The following TRAPPC8 variants were observed in gnomAD, a reference collection of about 807,000 sequenced individuals.
The protein encoded by TRAPPC8 is general sporulation gene 1 homolog.
Under a neutral mutation model 174.3 loss-of-function variants are expected in TRAPPC8, and 54 were observed. The observed-to-expected ratio is 0.31, with a 90% confidence interval of 0.25 to 0.39. TRAPPC8 has a LOEUF of 0.39. TRAPPC8 is among the 10% of genes least tolerant of loss of function. The probability of loss-of-function intolerance (pLI) is 1.00; values close to 1 mark genes in which losing one functional copy is unlikely to be tolerated. For missense variants in TRAPPC8, 1,531 were observed against 1,699.1 expected, an observed-to-expected ratio of 0.90 and a Z score of 1.74; for synonymous variants, 630 against 579.9, an observed-to-expected ratio of 1.09 and a Z score of -1.24.
At chr18:31,880,864 C>T (rs2035415556) in intron 12 of TRAPPC8, among the ~76,000 whole-genome samples, 1 of 151,956 alleles carries the variant, frequency 6.6e-6, no homozygotes, top group Non-Finnish European at 1.5e-5. Context: ...TCATAAAACT[C>T]AGGATGAGAA....
At chr18:31,860,268 G>A (rs2034258991) in intron 19 of TRAPPC8, among the ~76,000 whole-genome samples, 1 of 151,996 alleles carries the variant, frequency 6.6e-6, no homozygotes, top group East Asian at 1.9e-4. Context: ...CTAGTTGAAT[G>A]ATACATATAT....
intron 22 of TRAPPC8, 133 bp from the exon 23 acceptor site, chr18:31,852,796 C>A (rs1381907881): frequency 3.9e-6 from 3 of 775,932 alleles, no homozygotes; most frequent in African/African-American, 1.8e-5. Flanking sequence ...TGAAGAACAT[C>A]TTTGTTTTTA....
At chr18:31,927,229 T>C (rs2037654495) in intron 2 of TRAPPC8, among the ~76,000 whole-genome samples, 1 of 152,118 alleles carries the variant, frequency 6.6e-6, no homozygotes, top group African/African-American at 2.4e-5. Flanking sequence ...CACCTCAGCC[T>C]CCTGAGTAGC....
intron 12 of TRAPPC8, among the ~76,000 whole-genome samples, chr18:31,886,345 GAA>G (rs397858057): frequency 4.5e-3 from 108 of 23,738 alleles, no homozygotes; most frequent in African/African-American, 6.2e-3. Context: ...GTTTCTTGAG[GAA>G]AAAAAAAAAA....
At chr18:31,880,099 AT>A (rs58661461) in intron 12 of TRAPPC8, among the ~76,000 whole-genome samples, 7 of 79,820 alleles carry the variant, frequency 8.8e-5, no homozygotes, top group Non-Finnish European at 1.3e-4. Context: ...AAATATATAT[AT>A]ATATATATAT....
chr18:31,931,247 G>A (rs991105604), intron 2 of TRAPPC8, 82 bp downstream of exon 2: 4 of 1,291,790 alleles, frequency 3.1e-6, no homozygotes, highest in South Asian at 3.6e-5. Context: ...AATACATGTT[G>A]ATCATCTCCC....
intron 27 of TRAPPC8, among the ~76,000 whole-genome samples, chr18:31,835,937 A>T (rs1031051273): frequency 2.0e-5 from 3 of 152,240 alleles, no homozygotes; most frequent in Non-Finnish European, 4.4e-5. Context: ...TATATGTGGC[A>T]CAGACGGGAA....
chr18:31,883,225 A>G (rs1326606019), intron 12 of TRAPPC8: 101 of 58,782 alleles, frequency 1.7e-3, no homozygotes, highest in African/African-American at 3.9e-3. Flanking sequence ...TTCATCTCAG[A>G]AAAAAAAAAA....
chr18:31,890,875 T>C lies in TRAPPC8; in HGVS notation c.1597-9A>G, dbSNP rs376362414. 2.6e-5 allele frequency: 42 copies of C among 1,590,172 alleles called. No homozygotes were observed. The highest frequency in any genetic ancestry group is 1.7e-4 in the Middle Eastern group (1 of 5,966). ...CTTCGAAGATCAGAATCCTAGTGAATGTTTAAAAGAGAAAAAGGTTAGTTT... is the reference window on the plus strand; with the variant it reads ...CTTCGAAGATCAGAATCCTAGTGAACGTTTAAAAGAGAAAAAGGTTAGTTT... On this transcript the variant is annotated splice_polypyrimidine_tract_variant and intron_variant, in intron 11 of 28. Coordinates refer to ENST00000283351, the MANE Select transcript of TRAPPC8 (RefSeq NM_014939.5).
intron 27 of TRAPPC8, among the ~76,000 whole-genome samples, chr18:31,835,059 C>A (rs573045809): frequency 1.5e-4 from 23 of 152,252 alleles, no homozygotes; most frequent in African/African-American, 5.5e-4. Flanking sequence ...AAAGATGCCT[C>A]CACTTTTTCA....
intron 2 of TRAPPC8, among the ~76,000 whole-genome samples, chr18:31,927,263 A>T (rs1348306142): frequency 6.6e-6 from 1 of 150,402 alleles, no homozygotes; most frequent in Non-Finnish European, 1.5e-5. Flanking sequence ...ATACACCACC[A>T]CACCCAACTA....
intron 1 of TRAPPC8, among the ~76,000 whole-genome samples, chr18:31,935,359 C>CCAACAAAAAAA (rs1289122198): frequency 4.3e-4 from 1 of 2,338 alleles, no homozygotes; most frequent in African/African-American, 1.5e-3. Flanking sequence ...AACAAACAAA[C>CCAACAAAAAAA]AAACCAAAAA....
At chr18:31,894,871 T>C (rs2036118828) in intron 11 of TRAPPC8, among the ~76,000 whole-genome samples, 1 of 152,080 alleles carries the variant, frequency 6.6e-6, no homozygotes, top group African/African-American at 2.4e-5. Context: ...ATATTTAAAA[T>C]AGTAACAGAA....
In TRAPPC8 at chr18:31,907,573, T is replaced by G. The variant is rs765531101; in HGVS notation, c.1276A>C (p.Met426Leu). ...TGCACCAAAAAACATAAGTCAGCCA[T>G]TTTCCTGATTTGAAGTTCTGGTGCT... ...PEAPELQIRK[M>L]ADLCFLVQHY... Residue 426 changes from methionine to leucine, a missense_variant, in exon 9 of 29, where the codon ATG becomes CTG. By Grantham distance (15) the Met-to-Leu change is conservative. Transcript: ENST00000283351. The G allele has an allele frequency of 1.9e-6, 3 of 1,611,358 alleles. No homozygotes were observed. The South Asian group carries it at 3.3e-5, about 18-fold the overall frequency.
rs563263299 is a variant in TRAPPC8, at chr18:31,903,495, C to A, written c.1390-2470G>T. 6.6e-5 allele frequency among the ~76,000 whole-genome samples: 10 copies of A among 152,212 alleles called. 1 individual carries two copies. In the South Asian group the frequency reaches 2.1e-3, roughly 32 times the overall value. On this transcript the variant is annotated intron_variant, in intron 9 of 28. Transcript: ENST00000283351. ...CTATCACCCTCCTCCCTGTTCTTCC[C>A]TAACCTTCAATAAGTAGAGAACAGA...
At chr18:31,887,250 A>G (rs1210879231) in intron 12 of TRAPPC8, among the ~76,000 whole-genome samples, 1 of 152,176 alleles carries the variant, frequency 6.6e-6, no homozygotes, top group East Asian at 1.9e-4. Flanking sequence ...GAAAAACCAC[A>G]TGATTATCTC....
At chr18:31,931,880 A>G (rs780359983) in intron 1 of TRAPPC8, among the ~76,000 whole-genome samples, 1 of 152,208 alleles carries the variant, frequency 6.6e-6, no homozygotes, top group Non-Finnish European at 1.5e-5. Context: ...GGTCTATGGT[A>G]TTAACACTAG....
intron 18 of TRAPPC8, among the ~76,000 whole-genome samples, chr18:31,865,298 A>C (rs146471795): frequency 1.1e-4 from 17 of 152,236 alleles, no homozygotes; most frequent in African/African-American, 4.1e-4. Context: ...GAGTTTTCTC[A>C]AAATTAAACT....
intron 27 of TRAPPC8, among the ~76,000 whole-genome samples, chr18:31,834,919 T>A (rs1052952262): frequency 2.0e-5 from 3 of 152,152 alleles, no homozygotes; most frequent in African/African-American, 7.2e-5. Context: ...ATCTCTTCTC[T>A]TTGTGTTTCT....
Sources: gnomAD v4.1 joint callset for allele counts (sites outside exome capture counted in the v4.1 genomes callset) on GRCh38, gnomAD v4.1.1 for gene constraint, MANE v1.5 for transcripts, NCBI Gene and HGNC (gene_info 2026-07-23, HGNC 2026-07-21) for gene names.